Variants in SNX3 observed in about 807,000 individuals in gnomAD.
SNX3 encodes sorting nexin-3.
In SNX3, 5 loss-of-function variants were observed where a neutral mutation model predicts 17.7. The ratio of observed to expected loss-of-function variants is 0.28; its 90% confidence interval spans 0.15 to 0.59. The LOEUF (loss-of-function observed/expected upper bound fraction) is 0.59. Among genes scored for constraint, SNX3 ranks in the 20% least tolerant of loss-of-function variants. The pLI is 0.88. For synonymous variants in SNX3, 91 were observed against 76.5 expected (o/e 1.19, Z -0.99); for missense variants, 132 against 206.8 (o/e 0.64, Z 2.22).
chr6:108,253,848 G>C (rs993786028), intron 1 of SNX3, among the ~76,000 whole-genome samples: 1 of 152,044 alleles, frequency 6.6e-6, no homozygotes, highest in East Asian at 1.9e-4. Flanking sequence ...ACTGCCGGCC[G>C]GGCTTGGTGG....
intron 1 of SNX3, among the ~76,000 whole-genome samples, chr6:108,246,313 CTTTTTTT>C (rs71015538): frequency 2.6e-3 from 125 of 47,980 alleles, no homozygotes; most frequent in African/African-American, 0.01. Flanking sequence ...TTTGAGCATT[CTTTTTTT>C]TTTTTTTTTT....
At chr6:108,212,714 T>C (rs1008874339) in intron 3 of SNX3, among the ~76,000 whole-genome samples, 3 of 152,186 alleles carry the variant, frequency 2.0e-5, no homozygotes, top group Non-Finnish European at 2.9e-5. Flanking sequence ...TAATGGTATA[T>C]GTTCTTTTGT....
At chr6:108,216,398 TG>T (rs1381716788) in intron 2 of SNX3, among the ~76,000 whole-genome samples, 1 of 152,174 alleles carries the variant, frequency 6.6e-6, no homozygotes, top group East Asian at 1.9e-4. Context: ...AAACGTCTCC[TG>T]GGGGATAAAA....
At chr6:108,240,466 G>A (rs1380293658) in intron 1 of SNX3, among the ~76,000 whole-genome samples, 3 of 152,126 alleles carry the variant, frequency 2.0e-5, no homozygotes, top group South Asian at 2.1e-4. Context: ...TGATCCACAC[G>A]CCCTGGCCTC....
At chr6:108,219,185 C>T (rs1311690252) in intron 2 of SNX3, among the ~76,000 whole-genome samples, 7 of 151,814 alleles carry the variant, frequency 4.6e-5, no homozygotes, top group Admixed American at 3.9e-4. Context: ...CCCGTCTCTA[C>T]TAAAAATTTT....
rs554429322 is a variant in SNX3, at chr6:108,221,532, CTTTTTTTTTTTTTTTTTT to C, written c.258+1400_258+1417del. On this transcript the variant is annotated intron_variant, in intron 2 of 3. Transcript: ENST00000230085. ...GTATTACAAGGAATACAGTATTACA[CTTTTTTTTTTTTTTTTTT>C]TTTTTTTTTTTTTGAGACAGGGCCT... 6.7e-4 allele frequency among the ~76,000 whole-genome samples: 39 copies of C among 57,786 alleles called. 1 individual carries two copies. In the East Asian group the frequency reaches 0.025, roughly 37 times the overall value. The allele number at this position is 57,786 out of a possible 152,430, so 37.9% of individuals were successfully genotyped here. A position where few individuals can be genotyped will look rare whatever the true frequency, so the allele number is the denominator to read the frequency against.
intron 1 of SNX3, among the ~76,000 whole-genome samples, chr6:108,256,120 G>A (rs573437499): frequency 6.6e-6 from 1 of 152,148 alleles, no homozygotes; most frequent in East Asian, 1.9e-4. Flanking sequence ...GTCCCAGCTA[G>A]TAGAGAGGCT....
chr6:108,251,279 C>G (rs1318809064), intron 1 of SNX3, among the ~76,000 whole-genome samples: 4 of 152,110 alleles, frequency 2.6e-5, no homozygotes, highest in African/African-American at 9.7e-5. Flanking sequence ...TGAACTTACT[C>G]TAAACTGAAA....
chr6:108,247,805 A>G (rs1775737482), intron 1 of SNX3, among the ~76,000 whole-genome samples: 1 of 152,112 alleles, frequency 6.6e-6, no homozygotes, highest in African/African-American at 2.4e-5. Flanking sequence ...TCGATGCTTA[A>G]AACAAATTAT....
chr6:108,226,912 A>T (rs997491815), intron 1 of SNX3, among the ~76,000 whole-genome samples: 1 of 152,210 alleles, frequency 6.6e-6, no homozygotes, highest in Non-Finnish European at 1.5e-5. Context: ...TTTCTTTCCC[A>T]GGTAACCACA....
chr6:108,257,931 T>C (rs960029634), intron 1 of SNX3, among the ~76,000 whole-genome samples: 5 of 151,778 alleles, frequency 3.3e-5, no homozygotes, highest in Non-Finnish European at 7.4e-5. Context: ...GCCACTGCAC[T>C]CCAGCCTGGC....
chr6:108,231,709 G>A (rs942349986), intron 1 of SNX3, among the ~76,000 whole-genome samples: 1 of 152,016 alleles, frequency 6.6e-6, no homozygotes, highest in African/African-American at 2.4e-5. Flanking sequence ...AAAATTTATT[G>A]CCATTTAGAA....
chr6:108,251,508 T>C (rs932117885), intron 1 of SNX3, among the ~76,000 whole-genome samples: 2 of 152,170 alleles, frequency 1.3e-5, no homozygotes, highest in Admixed American at 6.5e-5. Context: ...TTCCTGGTTG[T>C]GTCCTTCAAG....
chr6:108,259,682 T>C (rs998485065), intron 1 of SNX3, among the ~76,000 whole-genome samples: 4 of 152,244 alleles, frequency 2.6e-5, no homozygotes, highest in African/African-American at 7.2e-5. Context: ...TTCACAACAA[T>C]GTGAATATAC....
At chr6:108,214,714 T>C in intron 2 of SNX3, 92 bp from the exon 3 acceptor site, 2 of 1,345,982 alleles carry the variant, frequency 1.5e-6, no homozygotes. Flanking sequence ...GTCCTCACTA[T>C]GACAGCCATC....
At position 108,213,643 on chromosome 6, in the gene SNX3, C is replaced by T. The variant is rs921251795; in HGVS notation, c.383+855G>A. Among the ~76,000 whole-genome samples, 3 of 143,148 alleles carry T rather than the reference C, an allele frequency of 2.1e-5. No homozygotes were observed. In the East Asian group the frequency reaches 6.0e-4, roughly 29 times the overall value. 93.9% of individuals were successfully genotyped at this position (143,148 alleles called of 152,430 possible). A position where few individuals can be genotyped will look rare whatever the true frequency, so the allele number is the denominator to read the frequency against. On this transcript the variant is annotated intron_variant, in intron 3 of 3. Transcript: ENST00000230085. ...CTCCAGCCTGGGCGACAGAGCAAGA[C>T]TGTCTCAAAAAAAAAAAAAAAAAAA... is the stretch of plus-strand genomic sequence containing the variant.
intron 2 of SNX3, 77 bp downstream of exon 2, chr6:108,222,873 T>C (rs569044673): frequency 2.3e-6 from 2 of 856,358 alleles, no homozygotes; most frequent in East Asian, 2.5e-5. Flanking sequence ...TTTTATTCAA[T>C]ATCATTTTCC....
chr6:108,247,785 C>T (rs1286892690), intron 1 of SNX3, among the ~76,000 whole-genome samples: 1 of 151,892 alleles, frequency 6.6e-6, no homozygotes, highest in Non-Finnish European at 1.5e-5. Flanking sequence ...CCTACCATAC[C>T]GCCTGAACAT....
intron 1 of SNX3, among the ~76,000 whole-genome samples, chr6:108,252,933 C>A (rs1395329333): frequency 6.6e-6 from 1 of 152,096 alleles, no homozygotes; most frequent in African/African-American, 2.4e-5. Flanking sequence ...CCACCACACC[C>A]GGCCCTAAGA....
Sources: allele counts gnomAD v4.1 joint callset (sites outside exome capture counted in the v4.1 genomes callset), GRCh38; gene constraint gnomAD v4.1.1; transcripts MANE v1.5; gene names NCBI Gene and HGNC (gene_info 2026-07-23, HGNC 2026-07-21).